HCN4: variants seen among roughly 807,000 people sequenced by gnomAD.
The protein encoded by HCN4 is potassium/sodium hyperpolarization-activated cyclic nucleotide-gated channel 4.
In HCN4, 29 loss-of-function variants were observed where a neutral mutation model predicts 76.9. The ratio of observed to expected loss-of-function variants is 0.38; its 90% CI spans 0.28 to 0.51. HCN4 has a LOEUF of 0.51. Ranked by LOEUF, HCN4 falls within the 20% of genes least tolerant of loss-of-function variation. The probability of loss-of-function intolerance (pLI) is 0.90; values close to 1 mark genes in which losing one functional copy is unlikely to be tolerated. For missense variants in HCN4, 1,416 were observed against 1,715.2 expected (o/e 0.83, Z 3.08); for synonymous variants, 772 against 762.5 (o/e 1.01, Z -0.21).
chr15:73,331,373 G>A lies in HCN4; in HGVS notation c.1371+758C>T, dbSNP rs573936172. Among the ~76,000 whole-genome samples, 65 of 152,374 alleles carry A rather than the reference G, an allele frequency of 4.3e-4. 1 individual carries two copies. The highest frequency in any genetic ancestry group is 1.5e-3 in the African/African-American group (63 of 41,594). On this transcript the variant is annotated intron_variant, in intron 3 of 7. Transcript: ENST00000261917. ...CGAGTGGGGGCAGCCCAGCTCTGCT[G>A]TTGGAGTAGAAAGTGACCACATATG...
chr15:73,323,467 G>A lies in HCN4; in HGVS notation c.2626C>T (p.Pro876Ser), dbSNP rs1414309985. 1 of 1,607,292 alleles carries A rather than the reference G, an allele frequency of 6.2e-7. No homozygotes were observed. The highest frequency in any genetic ancestry group is 1.1e-5 in the South Asian group (1 of 91,074). ...SAPAGLSPLL[P>S]SSSSSPPPGA... ...GGGGGTGGGGAGGAGCTGGATGAGG[G>A]CAGGAGTGGGCTCAGTCCAGCGGGG... Residue 876 changes from proline (P) to serine (S), a missense_variant, in exon 8 of 8, where the codon CCC (proline) becomes TCC (serine). Physicochemically the swap from Pro to Ser is moderately conservative, Grantham distance 74 (BLOSUM62 -1). This residue lies in a region of HCN4 where 633 missense variants were observed against 579.8 expected (regional missense o/e 1.09). Transcript: ENST00000261917.
In HCN4 at chr15:73,367,448, C is replaced by A. The variant is rs775680393; in HGVS notation, c.785+38G>T. On this transcript the variant is annotated intron_variant, in intron 1 of 7. Transcript: ENST00000261917. This position sits in a 1 kb window ranked among gnomAD's most constrained non-coding sequence, Gnocchi z 7.5. ...TCAGGAGGAGGCATGCCTGCCACCG[C>A]GCAGGGCACCCACAGGATCATCGCT... The A allele has an allele frequency of 1.2e-6, 2 of 1,611,628 alleles. No homozygotes were observed. The highest frequency in any genetic ancestry group is 2.2e-5 in the South Asian group (2 of 90,966).
Position 73,367,518 on chromosome 15 carries a change from T to C in HCN4, c.753A>G (p.Gly251=), listed in dbSNP as rs746763261. 5.0e-6 allele frequency: 8 copies of C among 1,613,936 alleles called. No homozygotes were observed. Among genetic ancestry groups the C allele is most frequent in the Middle Eastern group, 1.7e-4 (1 of 6,018 alleles). ...CACTGTAGGGGTGGATAATCCAAAATCCGGCCGACTTGACCCTCTCCTGTT... is the reference window on the plus strand; with the variant it reads ...CACTGTAGGGGTGGATAATCCAAAACCCGGCCGACTTGACCCTCTCCTGTT... The part of the protein sequence containing the change: ...EREQERVKSA[G]FWIIHPYSDF... Residue 251 remains glycine, a synonymous_variant, in exon 1 of 8, where the codon GGA becomes GGG. Coordinates refer to ENST00000261917, the MANE Select transcript of HCN4 (RefSeq NM_005477.3). The surrounding 1 kb of genome is among the most constrained non-coding windows in gnomAD (Gnocchi z 7.5).
chr15:73,336,938 G>A (rs192324666), intron 2 of HCN4, among the ~76,000 whole-genome samples: 6 of 152,230 alleles, frequency 3.9e-5, no homozygotes, highest in East Asian at 3.9e-4. Context: ...TCGGCATCTC[G>A]GCTCCCAACT....
chr15:73,324,178 C>G lies in HCN4; in HGVS notation c.2054G>C (p.Ser685Thr). 1 of 1,614,136 alleles carries G rather than the reference C, an allele frequency of 6.2e-7. No homozygotes were observed. The highest frequency in any genetic ancestry group is 8.5e-7 in the Non-Finnish European group (1 of 1,180,010). Reference protein sequence around the residue: ...ADTYCRLYSLSVDNFNEVLEE... With the variant: ...ADTYCRLYSLTVDNFNEVLEE... ...CAGCACCTCATTGAAGTTGTCCACG[C>G]TCAGCGAGTAGAGGCGGCAGTAGGT... The change falls in exon 7 of 8, where the codon AGC becomes ACC. Residue 685 changes from serine to threonine, a missense_variant. Ser to Thr is a moderately conservative substitution (Grantham distance 58, BLOSUM62 1). Around this residue, in one of 6 missense-constraint regions of HCN4, gnomAD observed 241 missense variants for 379.4 expected, o/e 0.64. Coordinates refer to ENST00000261917, the MANE Select transcript of HCN4 (RefSeq NM_005477.3).
At chr15:73,346,758 T>C (rs2043031641) in intron 1 of HCN4, among the ~76,000 whole-genome samples, 1 of 152,008 alleles carries the variant, frequency 6.6e-6, no homozygotes, top group Non-Finnish European at 1.5e-5. Flanking sequence ...CCTAGAAGGG[T>C]GAGGCCGGGA....
chr15:73,323,250 G>A lies in HCN4; in HGVS notation c.2843C>T (p.Ala948Val), dbSNP rs2042874872. 6.6e-7 allele frequency: 1 copy of A among 1,524,172 alleles called. No individual in the cohort carries two copies. 94.4% of individuals were successfully genotyped at this position (1,524,172 alleles called of 1,614,324 possible). Residue 948 changes from alanine (A) to valine (V), a missense_variant, in exon 8 of 8, where the codon GCC becomes GTC. Ala to Val is a moderately conservative substitution (Grantham distance 64). Transcript: ENST00000261917. ...AAQPSPAPPG[A>V]RGGLGLPEHF... ...CTCCGGGAGTCCCAGGCCTCCCCGG[G>A]CCCCGGGTGGCGCGGGAGATGGCTG...
chr15:73,350,034 A>T (rs964530525), intron 1 of HCN4, among the ~76,000 whole-genome samples: 1 of 152,152 alleles, frequency 6.6e-6, no homozygotes, highest in Non-Finnish European at 1.5e-5. Context: ...ACACTTGACC[A>T]CGTCACCACC....
At chr15:73,335,511 C>T (rs900080478) in intron 2 of HCN4, 1 of 152,336 alleles carries the variant, frequency 6.6e-6, no homozygotes, top group East Asian at 1.9e-4. Flanking sequence ...GAGGGCCAGA[C>T]TTGAAATGAG....
rs2043133197 is a variant in HCN4, at chr15:73,367,399, G to C, written c.785+87C>G. The C allele has an allele frequency of 6.3e-7, 1 of 1,593,202 alleles. No individual in the cohort carries two copies. The highest frequency in any genetic ancestry group is 8.5e-7 in the Non-Finnish European group (1 of 1,170,470). On this transcript the variant is annotated intron_variant, in intron 1 of 7. Transcript: ENST00000261917. The surrounding 1 kb of genome is among the most constrained non-coding windows in gnomAD (Gnocchi z 7.5). ...GGAGCTCCCAGCGCAAGGCAGGAAA[G>C]TTAACTCCGGCTGGGAGGCAGGGTC... is the stretch of plus-strand genomic sequence containing the variant.
intron 1 of HCN4, among the ~76,000 whole-genome samples, chr15:73,352,685 G>A (rs1487899533): frequency 6.6e-6 from 1 of 152,134 alleles, no homozygotes; most frequent in African/African-American, 2.4e-5. Flanking sequence ...TCTCATTATG[G>A]GCACACCCCC....
intron 6 of HCN4, among the ~76,000 whole-genome samples, 176 bp downstream of exon 6, chr15:73,324,779 C>T (rs568037493): frequency 6.6e-5 from 10 of 152,290 alleles, no homozygotes; most frequent in East Asian, 5.8e-4. Flanking sequence ...ACCCAGTCTG[C>T]GGCACTTTTG....
chr15:73,355,788 C>G (rs2043076184), intron 1 of HCN4, among the ~76,000 whole-genome samples: 1 of 152,174 alleles, frequency 6.6e-6, no homozygotes, highest in South Asian at 2.1e-4. Flanking sequence ...CACCGCCAAA[C>G]TGCACAGCAG....
At position 73,367,404 on chromosome 15, in the gene HCN4, C is replaced by T; in HGVS notation, c.785+82G>A. Reference sequence around the variant, plus strand: ...TCCCAGCGCAAGGCAGGAAAGTTAACTCCGGCTGGGAGGCAGGGTCAGGAG... The same window carrying T: ...TCCCAGCGCAAGGCAGGAAAGTTAATTCCGGCTGGGAGGCAGGGTCAGGAG... On this transcript the variant is annotated intron_variant, in intron 1 of 7. Coordinates refer to ENST00000261917, the MANE Select transcript of HCN4 (RefSeq NM_005477.3). This position sits in a 1 kb window ranked among gnomAD's most constrained non-coding sequence, Gnocchi z 7.5. 2.5e-6 allele frequency: 4 copies of T among 1,598,758 alleles called. No individual in the cohort carries two copies.
At position 73,322,460 on chromosome 15, in the gene HCN4, A is replaced by G; in HGVS notation, c.*21T>C. The G allele has an allele frequency of 6.4e-7, 1 of 1,552,468 alleles. No homozygotes were observed. Among genetic ancestry groups the G allele is most frequent in the Non-Finnish European group, 8.8e-7 (1 of 1,141,916 alleles). The stretch of plus-strand genomic sequence containing the variant: ...AGGAAGGGAGAGAAAAGAAGAAAGA[A>G]GAGGGAAGGAAGGGCCCAGCTCATA... On this transcript the variant is annotated 3_prime_UTR_variant, in exon 8 of 8. Coordinates refer to ENST00000261917, the MANE Select transcript of HCN4 (RefSeq NM_005477.3).
Position 73,368,127 on chromosome 15 carries a change from G to A in HCN4, c.144C>T (p.Ile48=), listed in dbSNP as rs776352142. ...GGRQDPSRRS[I]RLRPLPSPSP... is the part of the protein sequence containing the mutation. ...AGGGCGAGGGCAGTGGCCGCAGCCG[G>A]ATGCTCCTGCGGCTGGGGTCTTGGC... Residue 48 remains isoleucine, a synonymous_variant, in exon 1 of 8, where the codon ATC becomes ATT. Coordinates refer to ENST00000261917, the MANE Select transcript of HCN4 (RefSeq NM_005477.3). This position sits in a 1 kb window ranked among gnomAD's most constrained non-coding sequence, Gnocchi z 6.9. The A allele has an allele frequency of 6.6e-7, 1 of 1,512,950 alleles. No individual in the cohort carries two copies. Among genetic ancestry groups the A allele is most frequent in the South Asian group, 1.2e-5 (1 of 81,380 alleles). 93.7% of individuals were successfully genotyped at this position (1,512,950 alleles called of 1,614,324 possible). A position where few individuals can be genotyped will look rare whatever the true frequency, so the allele number is the denominator to read the frequency against.
intron 1 of HCN4, among the ~76,000 whole-genome samples, chr15:73,362,362 A>G (rs544927107): frequency 4.6e-5 from 7 of 152,374 alleles, no homozygotes; most frequent in African/African-American, 1.7e-4. Context: ...GCGCATGAAC[A>G]GTAACCTCAA....
At chr15:73,359,298 C>T (rs556207544) in intron 1 of HCN4, among the ~76,000 whole-genome samples, 1 of 152,326 alleles carries the variant, frequency 6.6e-6, no homozygotes, top group African/African-American at 2.4e-5. Flanking sequence ...AGCTTGCTGC[C>T]TGGCTGAGAA....
At chr15:73,345,072 G>A (rs897762063) in intron 1 of HCN4, among the ~76,000 whole-genome samples, 1 of 152,236 alleles carries the variant, frequency 6.6e-6, no homozygotes, top group Non-Finnish European at 1.5e-5. Context: ...CAGGAGGAAG[G>A]AAGTGGGAAA....
Sources: allele counts gnomAD v4.1 joint callset (sites outside exome capture counted in the v4.1 genomes callset), GRCh38; gene constraint gnomAD v4.1.1; regional missense constraint gnomAD v4.1.1; non-coding constraint Gnocchi (gnomAD v3.1); transcripts MANE v1.5; gene names NCBI Gene and HGNC (gene_info 2026-07-23, HGNC 2026-07-21).